Variants in CACNA1C observed in about 807,000 individuals in gnomAD.
CACNA1C encodes the protein calcium voltage-gated channel subunit alpha1 C.
Under a neutral mutation model 229.0 loss-of-function variants are expected in CACNA1C, and 30 were observed. The observed-to-expected ratio is 0.13, with a 90% CI of 0.10 to 0.18. CACNA1C has a LOEUF of 0.18. Among genes scored for constraint, CACNA1C ranks in the 10% least tolerant of loss-of-function variants. CACNA1C has a pLI of 1.00. For synonymous variants in CACNA1C, 1,114 were observed against 1,132.5 expected (o/e 0.98, Z 0.33); for missense variants, 1,658 against 2,845.0 (o/e 0.58, Z 9.49).
At chr12:2,472,092 T>C (rs1383470315) in intron 5 of CACNA1C, among the ~76,000 whole-genome samples, 3 of 152,212 alleles carry the variant, frequency 2.0e-5, no homozygotes, top group Non-Finnish European at 4.4e-5. Flanking sequence ...CATTATTATA[T>C]TCATTATATT....
chr12:2,196,149 T>C (rs142379378), intron 3 of CACNA1C, among the ~76,000 whole-genome samples: 3 of 152,314 alleles, frequency 2.0e-5, no homozygotes, highest in African/African-American at 7.2e-5. Flanking sequence ...GACTTCCTTT[T>C]GTACTTAAAG....
intron 3 of CACNA1C, among the ~76,000 whole-genome samples, chr12:2,291,587 G>A (rs2093514900): frequency 2.0e-5 from 3 of 152,198 alleles, no homozygotes; most frequent in Admixed American, 2.0e-4. Flanking sequence ...TAGTTTTATT[G>A]AAACTCGTCA....
rs1278162918 is a variant in CACNA1C at position 1,996,654 on chromosome 12, AACAAC to A, written c.139+25455_139+25459del. 1.6e-3 allele frequency among the ~76,000 whole-genome samples: 51 copies of A among 32,556 alleles called. 10 individuals carry two copies. Among genetic ancestry groups the A allele is most frequent in the African/African-American group, 7.4e-3 (34 of 4,566 alleles). The allele number at this position is 32,556 out of a possible 152,430, so 21.4% of individuals were successfully genotyped here. A position where few individuals can be genotyped will look rare whatever the true frequency, so the allele number is the denominator to read the frequency against. Reference sequence around the variant, plus strand: ...AAAAAAAAAAAAAAAAAAAAAAAAAAACAACAAACTCTTCTAATGTTTTAAAGAAG... The same window carrying A: ...AAAAAAAAAAAAAAAAAAAAAAAAAAAAACTCTTCTAATGTTTTAAAGAAG... On this transcript the variant is annotated intron_variant, in intron 1 of 46. Coordinates refer to the CACNA1C transcript ENST00000682462.
rs149610267 is a variant in CACNA1C at position 2,251,970 on chromosome 12, CAGGCTT to C, written c.477+131545_477+131550del. On this transcript the variant is annotated intron_variant, in intron 3 of 46. Coordinates refer to ENST00000399655, the MANE Select transcript of CACNA1C (RefSeq NM_000719.7). ...TGAAAATTTAGTCTCTCATCTGCAGCAGGCTTAGGCAAAGTGGCTGGCCACATAAAA... is the reference window on the plus strand; with the variant it reads ...TGAAAATTTAGTCTCTCATCTGCAGCAGGCAAAGTGGCTGGCCACATAAAA... Among the ~76,000 whole-genome samples the C allele has an allele frequency of 2.4e-4, 36 of 152,360 alleles. No individual in the cohort carries two copies. In the East Asian group the frequency reaches 5.0e-3, roughly 21 times the overall value.
intron 1 of CACNA1C, among the ~76,000 whole-genome samples, chr12:2,078,859 G>A (rs1037967032): frequency 3.3e-5 from 5 of 152,046 alleles, no homozygotes; most frequent in Non-Finnish European, 7.3e-5. Context: ...ATTCACAATA[G>A]CAAAGACTTG....
intron 5 of CACNA1C, among the ~76,000 whole-genome samples, chr12:2,463,340 G>A (rs967655218): frequency 2.6e-5 from 4 of 152,200 alleles, no homozygotes; most frequent in African/African-American, 9.6e-5. Flanking sequence ...CAACAAAATC[G>A]ACTGAGTACT....
At chr12:2,592,007 G>C (rs74053872) in intron 18 of CACNA1C, among the ~76,000 whole-genome samples, 6,657 of 152,188 alleles carry the variant, frequency 0.044, 506 homozygotes, top group African/African-American at 0.15. Flanking sequence ...CCATCCTAGC[G>C]CAGAATAACT....
chr12:2,449,148 C>G, intron 4 of CACNA1C, 33 bp downstream of exon 4: 1 of 1,473,922 alleles, frequency 6.8e-7, no homozygotes, highest in African/African-American at 1.4e-5. Context: ...TTCCCTTTAT[C>G]TTACCAGTGT....
At chr12:2,109,196 C>T (rs545337958) in intron 1 of CACNA1C, among the ~76,000 whole-genome samples, 1 of 152,186 alleles carries the variant, frequency 6.6e-6, no homozygotes, top group Non-Finnish European at 1.5e-5. Context: ...GGCTGGCAGC[C>T]CCAGACCTTT....
intron 1 of CACNA1C, among the ~76,000 whole-genome samples, chr12:1,996,659 CAAACT>C (rs2040985486): frequency 4.3e-5 from 2 of 46,176 alleles, no homozygotes; most frequent in African/African-American, 2.2e-4. Flanking sequence ...AAAAAAACAA[CAAACT>C]CTTCTAATGT....
chr12:2,479,606 C>A lies in CACNA1C; in HGVS notation c.758-6498C>A, dbSNP rs2099659028. ...CAGACATCTGGATTAAGCAGTATGG[C>A]TTTCTCTTCCATTCTGCAAGGACAG... On this transcript the variant is annotated intron_variant, in intron 5 of 46. Coordinates refer to ENST00000399655, the MANE Select transcript of CACNA1C (RefSeq NM_000719.7). This position sits in a 1 kb window ranked among gnomAD's most constrained non-coding sequence, Gnocchi z 4.3. 6.6e-6 allele frequency among the ~76,000 whole-genome samples: 1 copy of A among 152,190 alleles called. No individual in the cohort carries two copies. The highest frequency in any genetic ancestry group is 2.4e-5 in the African/African-American group (1 of 41,444).
At chr12:2,155,567 C>T (rs1229789759) in intron 3 of CACNA1C, among the ~76,000 whole-genome samples, 6 of 152,132 alleles carry the variant, frequency 3.9e-5, no homozygotes, top group Non-Finnish European at 7.3e-5. Context: ...AATCAGTTTT[C>T]CTTATATAAG....
chr12:2,135,580 T>C (rs1202981699), intron 3 of CACNA1C, among the ~76,000 whole-genome samples: 4 of 134,884 alleles, frequency 3.0e-5, no homozygotes, highest in Non-Finnish European at 4.6e-5. Context: ...GAGGTGTCAG[T>C]CTGCCCCTGC....
At position 2,194,846 on chromosome 12, in the gene CACNA1C, T is replaced by A. The variant is rs144039023; in HGVS notation, c.477+74416T>A. On this transcript the variant is annotated intron_variant, in intron 3 of 46. Transcript: ENST00000399655. ...AGTGTTCCCCAGGACTTACCCTGCA[T>A]CCGTATTGGAATATCTGAAAATTTC... 9.1e-3 allele frequency among the ~76,000 whole-genome samples: 1,387 copies of A among 152,252 alleles called. 17 individuals carry two copies. The highest frequency in any genetic ancestry group is 0.031 in the African/African-American group (1,293 of 41,538).
chr12:2,610,872 C>G (rs887052240), intron 28 of CACNA1C, among the ~76,000 whole-genome samples, 173 bp downstream of exon 28: 5 of 152,290 alleles, frequency 3.3e-5, no homozygotes, highest in African/African-American at 1.2e-4. Context: ...CTGGGCCTTA[C>G]GGAAGAATCC....
chr12:2,187,174 G>C (rs567543534), intron 3 of CACNA1C, among the ~76,000 whole-genome samples: 2 of 152,244 alleles, frequency 1.3e-5, no homozygotes, highest in South Asian at 4.2e-4. Context: ...CCATCATTCT[G>C]TGAGTGAATA....
chr12:2,222,015 A>G (rs1220319521), intron 3 of CACNA1C, among the ~76,000 whole-genome samples: 1 of 152,236 alleles, frequency 6.6e-6, no homozygotes, highest in Admixed American at 6.5e-5. Context: ...GACAGGATAT[A>G]CTATACCCTG....
chr12:2,042,494 A>G (rs2050287310), intron 1 of CACNA1C, among the ~76,000 whole-genome samples: 1 of 152,200 alleles, frequency 6.6e-6, no homozygotes, highest in Non-Finnish European at 1.5e-5. Context: ...ACATGATCGA[A>G]GGGATATGTT....
intron 3 of CACNA1C, among the ~76,000 whole-genome samples, chr12:2,129,205 G>A (rs2091415876): frequency 6.6e-6 from 1 of 152,230 alleles, no homozygotes; most frequent in Non-Finnish European, 1.5e-5. Flanking sequence ...CACGTTGCAA[G>A]GCTGGTGTAG....
Sources: allele counts gnomAD v4.1 joint callset (sites outside exome capture counted in the v4.1 genomes callset), GRCh38; gene constraint gnomAD v4.1.1; non-coding constraint Gnocchi (gnomAD v3.1); transcripts MANE v1.5; gene names NCBI Gene and HGNC (gene_info 2026-07-23, HGNC 2026-07-21).